The following TRIOBP variants were observed in gnomAD, a reference collection of about 807,000 sequenced individuals.
TRIOBP encodes TRIO and F-actin binding protein.
TRIOBP carries 169 observed loss-of-function variants against 238.8 expected under a neutral mutation model. The observed-to-expected ratio is 0.71, with a 90% CI of 0.62 to 0.80. The LOEUF (loss-of-function observed/expected upper bound fraction) is 0.80, where lower values mean the gene tolerates loss of function less well. Among genes scored for constraint, TRIOBP ranks in the 30% least tolerant of loss-of-function variants. The probability of loss-of-function intolerance (pLI) is 0.00; values close to 1 mark genes in which losing one functional copy is unlikely to be tolerated. For missense variants in TRIOBP, 2,838 were observed against 3,122.6 expected, an observed-to-expected ratio of 0.91 and a Z score of 2.17; for synonymous variants, 1,150 against 1,274.4, an observed-to-expected ratio of 0.90 and a Z score of 2.08.
At chr22:37,719,757 C>T (rs77567633) in intron 6 of TRIOBP, among the ~76,000 whole-genome samples, 1,806 of 152,186 alleles carry the variant, frequency 0.012, 35 homozygotes, top group African/African-American at 0.042. Flanking sequence ...AGGCCGCCTC[C>T]TCTGCTTCAC....
At position 37,771,652 on chromosome 22, in the gene TRIOBP, G is replaced by T. The variant is rs1248005402; in HGVS notation, c.6852G>T (p.Val2284=). ...CAGTCCAGCACCTATATCCCCAGGT[G>T]CTGCTTCGCGTAAAAGAAAACGAAC... ...SNERSSCELE[V]LLRVKENELQ... is the part of the protein sequence containing the mutation. Residue 2284 remains valine, a splice_region_variant and synonymous_variant, in exon 22 of 24, where the codon GTG becomes GTT. Coordinates refer to ENST00000644935, the MANE Select transcript of TRIOBP (RefSeq NM_001039141.3). 3 of 1,613,906 alleles carry T rather than the reference G, an allele frequency of 1.9e-6. No homozygotes were observed. The highest frequency in any genetic ancestry group is 3.3e-5 in the Admixed American group (2 of 60,000).
Position 37,723,234 on chromosome 22 carries a change from G to A in TRIOBP, c.678G>A (p.Arg226=). ...RSAGQHWARL[R]GESGLSLERH... is the part of the protein sequence containing the mutation. ...CAGGACAGCACTGGGCAAGGCTCCG[G>A]GGAGAAAGCGGGTTGTCCCTGGAGC... Residue 226 remains arginine, a synonymous_variant, in exon 7 of 24, where the codon CGG becomes CGA. Transcript: ENST00000644935. 1 of 1,613,980 alleles carries A rather than the reference G, an allele frequency of 6.2e-7. No homozygotes were observed. Among genetic ancestry groups the A allele is most frequent in the South Asian group, 1.1e-5 (1 of 91,082 alleles).
intron 4 of TRIOBP, among the ~76,000 whole-genome samples, 158 bp downstream of exon 4, chr22:37,710,724 CATGCTCCTTGGG>C (rs1359171192): frequency 1.7e-5 from 2 of 114,856 alleles, no homozygotes; most frequent in Non-Finnish European, 2.0e-5. Context: ...GGGTGGTGGG[CATGCTCCTTGGG>C]CCCACAGGAA....
chr22:37,711,596 C>G (rs75128402), intron 4 of TRIOBP, among the ~76,000 whole-genome samples: 1 of 10,490 alleles, frequency 9.5e-5, no homozygotes, highest in Non-Finnish European at 3.3e-4. Flanking sequence ...AAAAAAACAA[C>G]AAAAAAAAAA....
intron 11 of TRIOBP, chr22:37,746,215 G>GGAAA (rs762184877): frequency 2.6e-5 from 25 of 969,462 alleles, no homozygotes; most frequent in South Asian, 4.8e-5. Flanking sequence ...CAGGAAGTTT[G>GGAAA]AAAAAAAAAA....
rs746328720 is a variant in TRIOBP, at chr22:37,734,566, G to C, written c.4230G>C (p.Gln1410His). 9 of 1,585,092 alleles carry C rather than the reference G, an allele frequency of 5.7e-6. No homozygotes were observed. Among genetic ancestry groups the C allele is most frequent in the East Asian group, 4.6e-5 (2 of 43,708 alleles). The change falls in exon 9 of 24, where the codon CAG becomes CAC. Residue 1410 changes from glutamine to histidine, a missense_variant. By Grantham distance (24) the Gln-to-His change is conservative. Transcript: ENST00000644935. ...ARTPERELRT[Q>H]RPLESGQAGP... is the part of the protein sequence containing the mutation. ...CCCCTGAGAGGGAGCTGCGGACACA[G>C]AGACCTCTGGAGAGTGGCCAAGCAG...
chr22:37,710,053 T>C (rs1342660979), intron 3 of TRIOBP, among the ~76,000 whole-genome samples: 1 of 152,244 alleles, frequency 6.6e-6, no homozygotes, highest in Non-Finnish European at 1.5e-5. Flanking sequence ...CATACATGCA[T>C]GTATACATGA....
intron 11 of TRIOBP, chr22:37,746,239 T>A (rs895594459): frequency 3.0e-5 from 32 of 1,071,294 alleles, no homozygotes; most frequent in Non-Finnish European, 3.5e-5. Context: ...AAAAGTTTTA[T>A]GGGCGGATGG....
chr22:37,701,353 T>G lies in TRIOBP; in HGVS notation c.-13T>G. ...TTGGATCATAGGAACTGCCCTGGCC[T>G]GACTCACCCAATATGGAGGAGGTGC... On this transcript the variant is annotated 5_prime_UTR_variant, in exon 3 of 24. Coordinates refer to ENST00000644935, the MANE Select transcript of TRIOBP (RefSeq NM_001039141.3). 1.9e-6 allele frequency: 3 copies of G among 1,605,550 alleles called. No individual in the cohort carries two copies. The highest frequency in any genetic ancestry group is 2.6e-6 in the Non-Finnish European group (3 of 1,174,274).
intron 9 of TRIOBP, among the ~76,000 whole-genome samples, chr22:37,737,927 G>A (rs1392278651): frequency 1.3e-5 from 2 of 152,150 alleles, no homozygotes; most frequent in Admixed American, 6.5e-5. Context: ...GCTTCCATTT[G>A]TCCATGCAAC....
intron 17 of TRIOBP, among the ~76,000 whole-genome samples, chr22:37,760,982 A>G (rs1021716112): frequency 9.9e-5 from 15 of 151,656 alleles, no homozygotes; most frequent in African/African-American, 2.7e-4. Context: ...AAAAAAAAAA[A>G]AAAGAAAGAA....
At chr22:37,711,593 C>CAAAAAAAAA (rs1923243500) in intron 4 of TRIOBP, among the ~76,000 whole-genome samples, 1 of 24,196 alleles carries the variant, frequency 4.1e-5, no homozygotes, top group Non-Finnish European at 1.2e-4. Flanking sequence ...AAAAAAAAAA[C>CAAAAAAAAA]AACAAAAAAA....
intron 22 of TRIOBP, among the ~76,000 whole-genome samples, chr22:37,772,160 C>T (rs1255331063): frequency 6.6e-6 from 1 of 152,124 alleles, no homozygotes; most frequent in Non-Finnish European, 1.5e-5. Context: ...CCCGCCTGGC[C>T]CACCCTTGGC....
Position 37,726,398 on chromosome 22 carries a change from G to C in TRIOBP, c.3842G>C (p.Arg1281Thr). The C allele has an allele frequency of 6.3e-7, 1 of 1,586,672 alleles. No homozygotes were observed. Among genetic ancestry groups the C allele is most frequent in the East Asian group, 2.2e-5 (1 of 44,470 alleles). The change falls in exon 7 of 24, where the codon AGG becomes ACG. Residue 1281 changes from arginine (R) to threonine (T), a missense_variant. By Grantham distance (71) the Arg-to-Thr change is moderately conservative. Around this residue, in one of 5 missense-constraint regions of TRIOBP, gnomAD observed 2,096 missense variants for 2,137.4 expected, o/e 0.98. Transcript: ENST00000644935. Reference protein sequence around the residue: ...TVLADLPPPRRLAQRQPGPQA... With the variant: ...TVLADLPPPRTLAQRQPGPQA... ...CTGGCCGACCTGCCCCCACCCAGGA[G>C]GCTGGCCCAGAGACAGCCAGGGCCC...
chr22:37,757,539 T>C (rs1925993411), intron 15 of TRIOBP, 74 bp from the exon 16 acceptor site: 1 of 1,529,384 alleles, frequency 6.5e-7, no homozygotes, highest in African/African-American at 1.4e-5. Flanking sequence ...GGCACACAGG[T>C]GTCGCTCCAA....
At chr22:37,721,635 G>A (rs1476724729) in intron 6 of TRIOBP, among the ~76,000 whole-genome samples, 1 of 152,044 alleles carries the variant, frequency 6.6e-6, no homozygotes, top group Non-Finnish European at 1.5e-5. Context: ...GTACCACCAG[G>A]CCCTGCTAAG....
chr22:37,769,394 A>C lies in TRIOBP; in HGVS notation c.6849+19A>C. On this transcript the variant is annotated intron_variant, in intron 21 of 23. Transcript: ENST00000644935. ...GCTAGAGGTGAGTGTCCTCACTAGCACCAGGCAGCCCAGTGGTTCTCGGGG... is the reference window on the plus strand; with the variant it reads ...GCTAGAGGTGAGTGTCCTCACTAGCCCCAGGCAGCCCAGTGGTTCTCGGGG... 5 of 1,575,962 alleles carry C rather than the reference A, an allele frequency of 3.2e-6. No individual in the cohort carries two copies. Among genetic ancestry groups the C allele is most frequent in the Non-Finnish European group, 4.3e-6 (5 of 1,164,182 alleles).
At chr22:37,758,600 C>T (rs1050993043) in intron 16 of TRIOBP, among the ~76,000 whole-genome samples, 10 of 151,826 alleles carry the variant, frequency 6.6e-5, no homozygotes, top group South Asian at 2.1e-4. Context: ...GGCTGGAGCC[C>T]GGGAGGCAGA....
In TRIOBP at chr22:37,757,630, A is replaced by C. The variant is rs138804394; in HGVS notation, c.5705A>C (p.Lys1902Thr). ...TGCCCTAGGCTCTCGGACTCTAACA[A>C]GGAGAACGCGCTGCACAGCTACAGC... ...PDVTKLSDSN[K>T]ENALHSYSTQ... The change falls in exon 16 of 24, where the codon AAG becomes ACG. Residue 1902 changes from lysine (K) to threonine (T), a missense_variant. By Grantham distance (78) the Lys-to-Thr change is moderately conservative. Coordinates refer to ENST00000644935, the MANE Select transcript of TRIOBP (RefSeq NM_001039141.3). The C allele has an allele frequency of 1.2e-3, 1,861 of 1,588,158 alleles. 4 individuals are homozygous for C. Among genetic ancestry groups the C allele is most frequent in the South Asian group, 1.5e-3 (129 of 87,600 alleles).
Sources: allele counts gnomAD v4.1 joint callset (sites outside exome capture counted in the v4.1 genomes callset), GRCh38; gene constraint gnomAD v4.1.1; regional missense constraint gnomAD v4.1.1; transcripts MANE v1.5; gene names NCBI Gene and HGNC (gene_info 2026-07-23, HGNC 2026-07-21).